The following RPS6KA2 variants were observed in gnomAD, a reference collection of about 807,000 sequenced individuals.
RPS6KA2 encodes the protein ribosomal protein S6 kinase alpha-2.
RPS6KA2 carries 42 observed loss-of-function variants against 91.8 expected under a neutral mutation model. The ratio of observed to expected loss-of-function variants is 0.46; its 90% CI spans 0.36 to 0.59. RPS6KA2 has a LOEUF of 0.59. Among genes scored for constraint, RPS6KA2 ranks in the 20% least tolerant of loss-of-function variants. The probability of loss-of-function intolerance (pLI) is 0.00; values close to 1 mark genes in which losing one functional copy is unlikely to be tolerated. For missense variants in RPS6KA2, 798 were observed against 978.5 expected (o/e 0.82, Z 2.46); for synonymous variants, 414 against 393.6 (o/e 1.05, Z -0.61).
intron 2 of RPS6KA2, among the ~76,000 whole-genome samples, chr6:166,636,814 T>G (rs1227571059): frequency 1.3e-5 from 2 of 152,166 alleles, no homozygotes; most frequent in Non-Finnish European, 2.9e-5. Context: ...AAACAGGATT[T>G]CAGGATTGAT....
At chr6:166,529,557 A>C (rs1783193352) in intron 3 of RPS6KA2, among the ~76,000 whole-genome samples, 1 of 152,154 alleles carries the variant, frequency 6.6e-6, no homozygotes, top group African/African-American at 2.4e-5. Context: ...GTACCCTAGC[A>C]CTTAAAGCAT....
chr6:166,788,221 C>T (rs1224265104), intron 2 of RPS6KA2, among the ~76,000 whole-genome samples: 2 of 152,166 alleles, frequency 1.3e-5, no homozygotes, highest in Non-Finnish European at 2.9e-5. Context: ...AATGGGAATG[C>T]TTTTATGCTG....
At chr6:166,539,862 T>G (rs1783599329) in intron 1 of RPS6KA2, among the ~76,000 whole-genome samples, 1 of 152,252 alleles carries the variant, frequency 6.6e-6, no homozygotes, top group Non-Finnish European at 1.5e-5. Flanking sequence ...TTCTCTGAGA[T>G]TTCTGTTCCA....
chr6:166,437,942 C>T lies in RPS6KA2; in HGVS notation c.1333-5452G>A, dbSNP rs1053618806. 6.6e-6 allele frequency among the ~76,000 whole-genome samples: 1 copy of T among 152,166 alleles called. No homozygotes were observed. Among genetic ancestry groups the T allele is most frequent in the Admixed American group, 6.5e-5 (1 of 15,276 alleles). ...CTCCATCAGTGGAGACACCGTCTCC[C>T]GGGACACTCAGCAACCTGAGCAGAT... On this transcript the variant is annotated intron_variant, in intron 14 of 20. Coordinates refer to ENST00000265678, the MANE Select transcript of RPS6KA2 (RefSeq NM_021135.6). This position sits in a 1 kb window ranked among gnomAD's most constrained non-coding sequence, Gnocchi z 4.3.
At chr6:166,764,148 A>G (rs1000053192) in intron 2 of RPS6KA2, among the ~76,000 whole-genome samples, 3 of 152,102 alleles carry the variant, frequency 2.0e-5, no homozygotes, top group Non-Finnish European at 4.4e-5. Flanking sequence ...CTCCACTCCC[A>G]CTGGGGAGGG....
chr6:166,461,949 A>G (rs1272818705), intron 11 of RPS6KA2, among the ~76,000 whole-genome samples: 3 of 152,100 alleles, frequency 2.0e-5, no homozygotes. Flanking sequence ...CCACTGGGAC[A>G]TTTGGCAGTG....
chr6:166,526,755 T>C (rs987711690), intron 3 of RPS6KA2, among the ~76,000 whole-genome samples: 2 of 152,236 alleles, frequency 1.3e-5, no homozygotes, highest in Non-Finnish European at 2.9e-5. Flanking sequence ...AGATATTTCA[T>C]TTCTGTTGAA....
intron 2 of RPS6KA2, among the ~76,000 whole-genome samples, chr6:166,768,089 A>G (rs1226730677): frequency 1.3e-5 from 2 of 152,216 alleles, no homozygotes; most frequent in African/African-American, 4.8e-5. Flanking sequence ...ATGATGGATC[A>G]ATGCAGCTCT....
At chr6:166,517,815 A>T (rs112843921) in intron 3 of RPS6KA2, among the ~76,000 whole-genome samples, 14,785 of 152,186 alleles carry the variant, frequency 0.097, 2,357 homozygotes, top group African/African-American at 0.34. Context: ...AGCATGAGCG[A>T]TCTGTGCCTT....
chr6:166,422,342 G>A (rs1354018674), intron 17 of RPS6KA2, among the ~76,000 whole-genome samples: 1 of 152,180 alleles, frequency 6.6e-6, no homozygotes, highest in Non-Finnish European at 1.5e-5. Context: ...CAATGGACCA[G>A]TGGCCCTGGG....
At chr6:166,663,885 G>A (rs1373329857) in intron 2 of RPS6KA2, among the ~76,000 whole-genome samples, 2 of 152,206 alleles carry the variant, frequency 1.3e-5, no homozygotes, top group Non-Finnish European at 2.9e-5. Flanking sequence ...AGGGTAAATG[G>A]CAAGACCTGA....
chr6:166,609,209 G>A (rs1018241251), intron 1 of RPS6KA2, among the ~76,000 whole-genome samples: 2 of 152,190 alleles, frequency 1.3e-5, no homozygotes, highest in African/African-American at 4.8e-5. Context: ...TGAGTTCAGT[G>A]GAGTGGGAGG....
intron 1 of RPS6KA2, among the ~76,000 whole-genome samples, chr6:166,588,205 T>G (rs942479369): frequency 6.6e-6 from 1 of 151,402 alleles, no homozygotes; most frequent in Non-Finnish European, 1.5e-5. Flanking sequence ...GAGTGTGGTT[T>G]AAAAAGAGGA....
chr6:166,779,293 CAA>C (rs957673755), intron 2 of RPS6KA2, among the ~76,000 whole-genome samples: 3 of 152,162 alleles, frequency 2.0e-5, no homozygotes, highest in Non-Finnish European at 4.4e-5. Context: ...GCTTCAAAAG[CAA>C]AGAGACTGCC....
intron 2 of RPS6KA2, among the ~76,000 whole-genome samples, chr6:166,647,403 G>A (rs954367940): frequency 3.3e-5 from 5 of 152,088 alleles, no homozygotes; most frequent in African/African-American, 1.2e-4. Flanking sequence ...TCTGCTGGTG[G>A]GGATGTGGGC....
At position 166,849,574 on chromosome 6, in the gene RPS6KA2, C is replaced by T. The variant is rs368187247; in HGVS notation, c.123+8626G>A. On this transcript the variant is annotated intron_variant, in intron 2 of 21. Transcript: ENST00000503859. The surrounding 1 kb of genome is among the most constrained non-coding windows in gnomAD (Gnocchi z 4.9). ...ACAGTGGAGGACCCCAGGCCACCCC[C>T]GCCCGTGGAAATCCATGAGACCGTT... Among the ~76,000 whole-genome samples the T allele has an allele frequency of 6.6e-5, 10 of 152,130 alleles. No homozygotes were observed. The highest frequency in any genetic ancestry group is 5.8e-4 in the East Asian group (3 of 5,192).
At chr6:166,619,141 C>G (rs1297586398) in intron 1 of RPS6KA2, among the ~76,000 whole-genome samples, 2 of 152,172 alleles carry the variant, frequency 1.3e-5, no homozygotes, top group Non-Finnish European at 2.9e-5. Flanking sequence ...TTGTACTCTA[C>G]AAGGACTTGA....
At chr6:166,550,220 A>T (rs915347808) in intron 1 of RPS6KA2, among the ~76,000 whole-genome samples, 1 of 152,236 alleles carries the variant, frequency 6.6e-6, no homozygotes, top group Admixed American at 6.5e-5. Flanking sequence ...AAGTTTCTAT[A>T]CAAGGACATT....
At chr6:166,793,752 G>T (rs918131775) in intron 2 of RPS6KA2, among the ~76,000 whole-genome samples, 22 of 152,174 alleles carry the variant, frequency 1.4e-4, no homozygotes, top group Admixed American at 5.2e-4. Context: ...AAGAAATGGG[G>T]AAAGGATTCC....
Sources: allele counts gnomAD v4.1 joint callset (sites outside exome capture counted in the v4.1 genomes callset), GRCh38; gene constraint gnomAD v4.1.1; non-coding constraint Gnocchi (gnomAD v3.1); transcripts MANE v1.5; gene names NCBI Gene and HGNC (gene_info 2026-07-23, HGNC 2026-07-21).